Variants in THAP4 observed in about 807,000 individuals in gnomAD.
The protein encoded by THAP4 is peroxynitrite isomerase THAP4.
A neutral mutation model predicts 48.1 loss-of-function variants in THAP4; 18 were observed. The ratio of observed to expected loss-of-function variants is 0.37; its 90% CI spans 0.26 to 0.56. THAP4 has a LOEUF of 0.56. THAP4 is among the 20% of genes least tolerant of loss of function. THAP4 has a pLI of 0.78. For missense variants in THAP4, 656 were observed against 774.9 expected (o/e 0.85, Z 1.82); for synonymous variants, 345 against 324.9 (o/e 1.06, Z -0.66).
At chr2:241,632,528 G>A (rs1177750778) in intron 2 of THAP4, among the ~76,000 whole-genome samples, 2 of 152,182 alleles carry the variant, frequency 1.3e-5, no homozygotes, top group Non-Finnish European at 2.9e-5. Flanking sequence ...TCTGATATTT[G>A]CTTTTTCTGA....
intron 2 of THAP4, among the ~76,000 whole-genome samples, chr2:241,630,531 G>C (rs1329483417): frequency 6.6e-6 from 1 of 152,150 alleles, no homozygotes; most frequent in Non-Finnish European, 1.5e-5. Flanking sequence ...AATTCCAAGA[G>C]AAGCTGGGAG....
intron 5 of THAP4, among the ~76,000 whole-genome samples, chr2:241,590,071 A>G (rs2066940072): frequency 6.6e-6 from 1 of 151,504 alleles, no homozygotes; most frequent in African/African-American, 2.4e-5. Flanking sequence ...TCGGCTGACG[A>G]TGATGGGCAC....
intron 5 of THAP4, among the ~76,000 whole-genome samples, chr2:241,592,970 C>T (rs1002032599): frequency 6.6e-5 from 10 of 152,194 alleles, no homozygotes; most frequent in Admixed American, 5.2e-4. Context: ...TGGCCAGGCA[C>T]GGTGGCTCAC....
At chr2:241,598,245 G>C (rs943626188) in intron 5 of THAP4, among the ~76,000 whole-genome samples, 7 of 152,188 alleles carry the variant, frequency 4.6e-5, no homozygotes, top group African/African-American at 1.7e-4. Context: ...GCACAGCTTA[G>C]GTCTGGTTAC....
intron 2 of THAP4, among the ~76,000 whole-genome samples, chr2:241,614,697 C>T (rs1448520644): frequency 3.3e-5 from 5 of 152,020 alleles, no homozygotes; most frequent in Non-Finnish European, 2.9e-5. Flanking sequence ...ACCAGCCTGA[C>T]CAACATGATG....
intron 2 of THAP4, among the ~76,000 whole-genome samples, chr2:241,620,274 A>C (rs1575034364): frequency 3.1e-5 from 1 of 32,054 alleles, no homozygotes. Flanking sequence ...GTGAGGGGTG[A>C]GTGAGTCGTG....
At chr2:241,630,634 C>A (rs577519640) in intron 2 of THAP4, among the ~76,000 whole-genome samples, 1 of 152,106 alleles carries the variant, frequency 6.6e-6, no homozygotes, top group Non-Finnish European at 1.5e-5. Flanking sequence ...ACAAAATTAG[C>A]TGGGTGTGGT....
rs1445758037 is a variant in THAP4 at position 241,612,720 on chromosome 2, TAC to T, written c.1241-6249_1241-6248del. On this transcript the variant is annotated intron_variant, in intron 2 of 5. Coordinates refer to ENST00000407315, the MANE Select transcript of THAP4 (RefSeq NM_015963.6). This position sits in a 1 kb window ranked among gnomAD's most constrained non-coding sequence, Gnocchi z 4.1. ...GTGAAAGGTGCAGAACACACACATC[TAC>T]AGAGACAGAACGTGGGTCAGTGTTT... 1.3e-5 allele frequency among the ~76,000 whole-genome samples: 2 copies of T among 152,218 alleles called. No individual in the cohort carries two copies. Among genetic ancestry groups the T allele is most frequent in the Non-Finnish European group, 2.9e-5 (2 of 68,046 alleles).
rs200246502 is a variant in THAP4, at chr2:241,610,197, C to A, written c.1241-3724G>T. ...CCTTCACACTCCCCACGAGGCAGGA[C>A]AGCCCCGGGCTAGGGTGAGGGGCAC... On this transcript the variant is annotated intron_variant, in intron 2 of 5. Coordinates refer to ENST00000407315, the MANE Select transcript of THAP4 (RefSeq NM_015963.6). This position sits in a 1 kb window ranked among gnomAD's most constrained non-coding sequence, Gnocchi z 4.2. Among the ~76,000 whole-genome samples, 54 of 152,326 alleles carry A rather than the reference C, an allele frequency of 3.5e-4. 1 individual carries two copies. The East Asian group carries it at 0.01, about 28-fold the overall frequency.
chr2:241,633,855 C>T lies in THAP4; in HGVS notation c.302G>A (p.Arg101Gln), dbSNP rs201501683. 1.5e-4 allele frequency: 243 copies of T among 1,613,560 alleles called. No individual in the cohort carries two copies. Among genetic ancestry groups the T allele is most frequent in the East Asian group, 3.3e-4 (15 of 44,866 alleles). The change falls in exon 2 of 6, where the codon CGG (arginine) becomes CAG (glutamine). Residue 101 changes from arginine (R) to glutamine (Q), a missense_variant. Arg to Gln is a conservative substitution (Grantham distance 43). Coordinates refer to ENST00000407315, the MANE Select transcript of THAP4 (RefSeq NM_015963.6). The surrounding 1 kb of genome is among the most constrained non-coding windows in gnomAD (Gnocchi z 7.5). ...KRGAGGHGRTRRKDASKATGG... is the reference protein window; with the variant it reads ...KRGAGGHGRTQRKDASKATGG... ...TGTGGCCTTGCTGGCATCTTTTCTC[C>T]GGGTGCGGCCATGGCCTCCAGCCCC...
intron 2 of THAP4, among the ~76,000 whole-genome samples, chr2:241,608,644 G>A (rs1019083710): frequency 1.3e-5 from 2 of 152,194 alleles, no homozygotes; most frequent in East Asian, 1.9e-4. Context: ...ATCATTCAAC[G>A]TGCTGGACAC....
intron 1 of THAP4, among the ~76,000 whole-genome samples, chr2:241,635,717 C>T (rs957940784): frequency 2.0e-5 from 3 of 150,844 alleles, no homozygotes; most frequent in Non-Finnish European, 3.0e-5. Context: ...TGCAGTGAGC[C>T]GAGATCGCAC....
At chr2:241,636,650 C>A (rs958985198) in intron 1 of THAP4, among the ~76,000 whole-genome samples, 2 of 152,176 alleles carry the variant, frequency 1.3e-5, no homozygotes. Flanking sequence ...GGACAATCGG[C>A]CCAGGACCTG....
intron 5 of THAP4, among the ~76,000 whole-genome samples, chr2:241,585,661 G>A (rs1257926977): frequency 6.6e-6 from 1 of 152,136 alleles, no homozygotes; most frequent in African/African-American, 2.4e-5. Flanking sequence ...AGGCTGAGAG[G>A]GATGTGGTAG....
intron 5 of THAP4, among the ~76,000 whole-genome samples, chr2:241,585,930 G>GAAAAAAA (rs1247935159): frequency 1.8e-5 from 2 of 108,994 alleles, no homozygotes; most frequent in African/African-American, 3.7e-5. Context: ...AAAAAAAAAA[G>GAAAAAAA]AAAAAAAAAA....
chr2:241,591,649 T>A (rs2066980391), intron 5 of THAP4, among the ~76,000 whole-genome samples: 1 of 151,976 alleles, frequency 6.6e-6, no homozygotes, highest in Non-Finnish European at 1.5e-5. Context: ...TCATGCAGGG[T>A]GCAGGGTAGC....
In THAP4 at chr2:241,612,898, G is replaced by C. The variant is rs898546842; in HGVS notation, c.1241-6425C>G. On this transcript the variant is annotated intron_variant, in intron 2 of 5. Coordinates refer to ENST00000407315, the MANE Select transcript of THAP4 (RefSeq NM_015963.6). This position sits in a 1 kb window ranked among gnomAD's most constrained non-coding sequence, Gnocchi z 4.1. ...GCTGGCTCACTGACACGTGCAGTGA[G>C]TGCGAGCTACAAACTAGATTCCGAA... Among the ~76,000 whole-genome samples the C allele has an allele frequency of 2.0e-5, 3 of 152,232 alleles. No individual in the cohort carries two copies. The highest frequency in any genetic ancestry group is 4.8e-5 in the African/African-American group (2 of 41,460).
At position 241,627,934 on chromosome 2, in the gene THAP4, A is replaced by G. The variant is rs111465607; in HGVS notation, c.1240+4983T>C. ...GCCCTTCACAGCCCTCCCCACTGACACACTCTCTTTGGAGCCACACTCCCT... is the reference window on the plus strand; with the variant it reads ...GCCCTTCACAGCCCTCCCCACTGACGCACTCTCTTTGGAGCCACACTCCCT... On this transcript the variant is annotated intron_variant, in intron 2 of 5. Transcript: ENST00000407315. 4.0e-3 allele frequency among the ~76,000 whole-genome samples: 612 copies of G among 151,938 alleles called. 4 individuals carry two copies. Among genetic ancestry groups the G allele is most frequent in the African/African-American group, 0.014 (588 of 41,438 alleles).
rs531274905 is a variant in THAP4 at position 241,631,893 on chromosome 2, C to CT, written c.1240+1023dup. Among the ~76,000 whole-genome samples the CT allele has an allele frequency of 4.1e-3, 574 of 141,484 alleles. 1 individual carries two copies. Among genetic ancestry groups the CT allele is most frequent in the Admixed American group, 7.8e-3 (111 of 14,178 alleles). 92.8% of individuals were successfully genotyped at this position (141,484 alleles called of 152,430 possible). On this transcript the variant is annotated intron_variant, in intron 2 of 5. Coordinates refer to ENST00000407315, the MANE Select transcript of THAP4 (RefSeq NM_015963.6). ...TTGCAACAGAGAATGTATTGTATTT[C>CT]TTTTTTTTTTTTTTTCTCTTTTGAG...
Sources: gnomAD v4.1 joint callset for allele counts (sites outside exome capture counted in the v4.1 genomes callset) on GRCh38, gnomAD v4.1.1 for gene constraint, Gnocchi (gnomAD v3.1) non-coding constraint, MANE v1.5 for transcripts, NCBI Gene and HGNC (gene_info 2026-07-23, HGNC 2026-07-21) for gene names.